ATG4A: variants seen among roughly 807,000 people sequenced by gnomAD.
ATG4A encodes autophagy related 4A cysteine peptidase, also known as cysteine protease ATG4A.
Under a neutral mutation model 38.4 loss-of-function variants are expected in ATG4A, and 22 were observed. The ratio of observed to expected loss-of-function variants is 0.57; its 90% CI spans 0.41 to 0.82. The LOEUF (loss-of-function observed/expected upper bound fraction) is 0.82, where lower values mean the gene tolerates loss of function less well. Among genes scored for constraint, ATG4A ranks in the 40% least tolerant of loss-of-function variants. ATG4A has a pLI of 0.00. For missense variants in ATG4A, 220 were observed against 290.0 expected, an observed-to-expected ratio of 0.76 and a Z score of 1.75; for synonymous variants, 86 against 100.7, an observed-to-expected ratio of 0.85 and a Z score of 0.88.
At chrX:108,114,224 C>A (rs1352764380) in intron 1 of ATG4A, among the ~76,000 whole-genome samples, 1 of 111,609 alleles carries the variant, frequency 9.0e-6, no homozygotes, top group Non-Finnish European at 1.9e-5. Flanking sequence ...GGCACAAGCT[C>A]TTATTAAACG....
At chrX:108,101,245 T>C (rs2032003482) in intron 1 of ATG4A, among the ~76,000 whole-genome samples, 1 of 110,630 alleles carries the variant, frequency 9.0e-6, no homozygotes, top group South Asian at 3.8e-4. Flanking sequence ...TAATATCTCC[T>C]GTTTCATTCC....
In ATG4A at chrX:108,153,778, A is replaced by G; in HGVS notation, c.*66A>G. Reference sequence around the variant, plus strand: ...CACCATAAAAACATGAACTTATTGCATAAAACTTTTCTAGTCAGCAAGTGC... The same window carrying G: ...CACCATAAAAACATGAACTTATTGCGTAAAACTTTTCTAGTCAGCAAGTGC... On this transcript the variant is annotated 3_prime_UTR_variant, in exon 13 of 13. Transcript: ENST00000372232. The G allele has an allele frequency of 1.0e-6, 1 of 966,680 alleles. No individual in the cohort carries two copies. 79.7% of individuals were successfully genotyped at this position (966,680 alleles called of 1,213,427 possible). A position where few individuals can be genotyped will look rare whatever the true frequency, so the allele number is the denominator to read the frequency against.
At chrX:108,092,954 T>C (rs889298721) in intron 1 of ATG4A, among the ~76,000 whole-genome samples, 1 of 111,871 alleles carries the variant, frequency 8.9e-6, no homozygotes, top group Admixed American at 9.5e-5. Flanking sequence ...ACATATACTT[T>C]TTTATTTTTA....
intron 1 of ATG4A, among the ~76,000 whole-genome samples, chrX:108,121,911 A>G: frequency 8.9e-6 from 1 of 111,962 alleles, no homozygotes. Flanking sequence ...TCCCCTGTGG[A>G]TGTTGTCCCA....
intron 9 of ATG4A, among the ~76,000 whole-genome samples, chrX:108,138,845 G>A (rs956324772): frequency 9.8e-5 from 11 of 111,984 alleles, no homozygotes; most frequent in Admixed American, 8.5e-4. Context: ...CTATTGGAGT[G>A]CAGGTTCAGT....
intron 3 of ATG4A, 29 bp from the exon 4 acceptor site, chrX:108,131,231 A>G: frequency 1.7e-6 from 2 of 1,188,096 alleles, no homozygotes; most frequent in South Asian, 1.8e-5. Flanking sequence ...TGAGGAACCC[A>G]TATTAATTCC....
chrX:108,140,713 TTGTA>T (rs1431819317), intron 9 of ATG4A, among the ~76,000 whole-genome samples: 2 of 100,907 alleles, frequency 2.0e-5, no homozygotes, highest in African/African-American at 7.1e-5. Context: ...ATAAAATACA[TTGTA>T]TATATAAATA....
intron 1 of ATG4A, among the ~76,000 whole-genome samples, chrX:108,102,535 T>A (rs1464444719): frequency 8.9e-6 from 1 of 111,798 alleles, no homozygotes; most frequent in South Asian, 3.7e-4. Flanking sequence ...TACTGAAGCT[T>A]TTTAGTTTGA....
intron 1 of ATG4A, among the ~76,000 whole-genome samples, chrX:108,093,369 C>CATCCATATTG (rs2031699610): frequency 8.9e-6 from 1 of 112,191 alleles, no homozygotes; most frequent in Non-Finnish European, 1.9e-5. Context: ...TTTTGAGATT[C>CATCCATATTG]ATCCATATTG....
intron 9 of ATG4A, among the ~76,000 whole-genome samples, chrX:108,141,060 GTATATATATACATATA>G (rs1364775390): frequency 1.7e-4 from 5 of 30,024 alleles, no homozygotes; most frequent in Non-Finnish European, 2.3e-4. Flanking sequence ...ATATATACGT[GTATATATATACATATA>G]TATATATATA....
At chrX:108,120,214 A>C (rs934558449) in intron 1 of ATG4A, among the ~76,000 whole-genome samples, 3 of 112,429 alleles carry the variant, frequency 2.7e-5, no homozygotes, top group African/African-American at 9.7e-5. Flanking sequence ...CCTTATCAAC[A>C]AAAACGATAG....
intron 2 of ATG4A, among the ~76,000 whole-genome samples, chrX:108,126,411 G>A (rs1043771712): frequency 8.9e-6 from 1 of 111,857 alleles, no homozygotes; most frequent in Non-Finnish European, 1.9e-5. Context: ...TGTTTACATG[G>A]TTATAGGTTT....
intron 1 of ATG4A, among the ~76,000 whole-genome samples, chrX:108,104,924 TG>T (rs1204119463): frequency 2.4e-5 from 2 of 82,641 alleles, no homozygotes; most frequent in Non-Finnish European, 5.1e-5. Flanking sequence ...ATACCTGTCA[TG>T]TTTTTTTTTT....
intron 9 of ATG4A, among the ~76,000 whole-genome samples, chrX:108,145,218 G>T (rs961582359): frequency 5.3e-5 from 6 of 112,538 alleles, no homozygotes; most frequent in Non-Finnish European, 9.4e-5. Context: ...ACTGGATCCA[G>T]TCAGCATAAT....
chrX:108,119,171 T>C (rs1352687645), intron 1 of ATG4A, among the ~76,000 whole-genome samples: 3 of 111,883 alleles, frequency 2.7e-5, no homozygotes, highest in Admixed American at 9.5e-5. Context: ...AAAAAACTCC[T>C]TATAATAAAA....
At chrX:108,116,771 G>T (rs1343944093) in intron 1 of ATG4A, among the ~76,000 whole-genome samples, 2 of 111,597 alleles carry the variant, frequency 1.8e-5, no homozygotes, top group East Asian at 5.6e-4. Context: ...ACCCTTGCCA[G>T]TCCCCGTACA....
chrX:108,123,968 A>G (rs1327385912), intron 1 of ATG4A, among the ~76,000 whole-genome samples: 1 of 112,598 alleles, frequency 8.9e-6, no homozygotes, highest in Non-Finnish European at 1.9e-5. Flanking sequence ...AGGCAATGCC[A>G]GAGAGGTTGC....
At chrX:108,119,886 T>C (rs1458896271) in intron 1 of ATG4A, among the ~76,000 whole-genome samples, 1 of 112,316 alleles carries the variant, frequency 8.9e-6, no homozygotes, top group Admixed American at 9.4e-5. Context: ...ATGAGCTCAG[T>C]ATTTGAGTAT....
intron 9 of ATG4A, among the ~76,000 whole-genome samples, chrX:108,146,488 C>T (rs1050848413): frequency 2.7e-5 from 3 of 111,692 alleles, no homozygotes; most frequent in African/African-American, 9.8e-5. Context: ...TTGAGTGCTG[C>T]CACTTGGCCC....
Sources: allele counts gnomAD v4.1 joint callset (sites outside exome capture counted in the v4.1 genomes callset), GRCh38; gene constraint gnomAD v4.1.1; transcripts MANE v1.5; gene names NCBI Gene and HGNC (gene_info 2026-07-23, HGNC 2026-07-21).